Variants in TTLL11 observed in about 807,000 individuals in gnomAD.
TTLL11 encodes the protein tubulin tyrosine ligase like 11, also known as tubulin polyglutamylase TTLL11.
In TTLL11, 42 loss-of-function variants were observed where a neutral mutation model predicts 51.7. That is an observed-to-expected ratio of 0.81 (90% CI 0.64 to 1.05). The LOEUF (loss-of-function observed/expected upper bound fraction) is 1.05, where lower values mean the gene tolerates loss of function less well. TTLL11 is among the 50% of genes least tolerant of loss of function. The pLI is 0.00. For missense variants in TTLL11, 799 were observed against 940.4 expected (o/e 0.85, Z 1.97); for synonymous variants, 381 against 383.5 (o/e 0.99, Z 0.08).
chr9:121,975,091 C>T (rs1842669755), intron 4 of TTLL11, 112 bp from the exon 5 acceptor site: 2 of 723,778 alleles, frequency 2.8e-6, no homozygotes, highest in East Asian at 6.6e-5. Flanking sequence ...TTGACCCTGG[C>T]TTCTCTTGTC....
At chr9:121,864,838 T>C (rs1838131999) in intron 7 of TTLL11, among the ~76,000 whole-genome samples, 1 of 152,232 alleles carries the variant, frequency 6.6e-6, no homozygotes, top group Non-Finnish European at 1.5e-5. Flanking sequence ...TCTCATTTCC[T>C]CTTAACAACT....
chr9:122,090,603 C>A (rs1329030859), intron 1 of TTLL11, among the ~76,000 whole-genome samples: 1 of 152,202 alleles, frequency 6.6e-6, no homozygotes, highest in African/African-American at 2.4e-5. Flanking sequence ...CCTCCCGCAG[C>A]ATTTCTCCTT....
At chr9:121,937,219 G>A (rs541571093) in intron 6 of TTLL11, among the ~76,000 whole-genome samples, 1 of 152,286 alleles carries the variant, frequency 6.6e-6, no homozygotes, top group Admixed American at 6.5e-5. Context: ...AAACGGACGT[G>A]AATAATGCCA....
rs374929438 is a variant in TTLL11, at chr9:122,057,515, C to CA, written c.463-18148_463-18147insT. ...TAATTTTCGTTATTTTTGGTAGAGA[C>CA]GGGGTTTCGCCATGTTGGCCGGGGT... is the stretch of plus-strand genomic sequence containing the variant. On this transcript the variant is annotated intron_variant, in intron 1 of 8. Coordinates refer to ENST00000321582, the MANE Select transcript of TTLL11 (RefSeq NM_001139442.2). 7.3e-3 allele frequency among the ~76,000 whole-genome samples: 1,107 copies of CA among 152,024 alleles called. 15 individuals are homozygous for CA. The highest frequency in any genetic ancestry group is 0.026 in the African/African-American group (1,066 of 41,462).
intron 6 of TTLL11, among the ~76,000 whole-genome samples, chr9:121,968,494 A>G (rs1842469282): frequency 6.6e-6 from 1 of 152,238 alleles, no homozygotes; most frequent in Admixed American, 6.5e-5. Context: ...CTTTAAGTAT[A>G]CCAGGAAAGA....
At chr9:121,911,213 C>G (rs1840103486) in intron 6 of TTLL11, among the ~76,000 whole-genome samples, 1 of 152,074 alleles carries the variant, frequency 6.6e-6, no homozygotes. Flanking sequence ...CTGGCCAACA[C>G]AGCAAAATTC....
chr9:121,910,615 G>A (rs73546442), intron 6 of TTLL11, among the ~76,000 whole-genome samples: 1,654 of 152,326 alleles, frequency 0.011, 28 homozygotes, highest in African/African-American at 0.038. Flanking sequence ...CAAAGGGGAT[G>A]TGGGTTTGTA....
intron 6 of TTLL11, among the ~76,000 whole-genome samples, chr9:121,970,672 T>C (rs1000371508): frequency 3.3e-5 from 5 of 152,240 alleles, no homozygotes; most frequent in African/African-American, 1.2e-4. Flanking sequence ...CCAGTTAGAA[T>C]GGCGATCATT....
chr9:121,834,666 A>T (rs1200001241), intron 8 of TTLL11, among the ~76,000 whole-genome samples: 2 of 152,058 alleles, frequency 1.3e-5, no homozygotes, highest in Non-Finnish European at 2.9e-5. Flanking sequence ...GTCTCTACTA[A>T]AAATACAAAA....
At chr9:121,922,877 A>G (rs976612885) in intron 6 of TTLL11, among the ~76,000 whole-genome samples, 4 of 152,162 alleles carry the variant, frequency 2.6e-5, no homozygotes, top group African/African-American at 9.7e-5. Context: ...ATAAAATGAA[A>G]CATAAATAGT....
intron 3 of TTLL11, among the ~76,000 whole-genome samples, chr9:122,009,849 G>A (rs1183215662): frequency 6.6e-6 from 1 of 151,976 alleles, no homozygotes; most frequent in Non-Finnish European, 1.5e-5. Flanking sequence ...TCTAAATCCA[G>A]TCCATGAAGG....
At chr9:121,847,040 C>T (rs1383982761) in intron 8 of TTLL11, among the ~76,000 whole-genome samples, 2 of 152,106 alleles carry the variant, frequency 1.3e-5, no homozygotes, top group East Asian at 3.8e-4. Context: ...GAAACCCCAT[C>T]TCTACTAAAA....
chr9:121,937,770 T>A (rs910922304), intron 6 of TTLL11, among the ~76,000 whole-genome samples: 1 of 149,652 alleles, frequency 6.7e-6, no homozygotes. Flanking sequence ...AGAAAGAACA[T>A]CAAACCCTCA....
intron 6 of TTLL11, among the ~76,000 whole-genome samples, chr9:121,946,334 T>C (rs1013703245): frequency 3.3e-5 from 5 of 152,086 alleles, no homozygotes; most frequent in Non-Finnish European, 7.4e-5. Context: ...CCCAGAATCC[T>C]TTGCTCCTGG....
intron 1 of TTLL11, among the ~76,000 whole-genome samples, chr9:122,090,400 T>G (rs1846228693): frequency 6.6e-6 from 1 of 152,120 alleles, no homozygotes; most frequent in African/African-American, 2.4e-5. Context: ...GCCCCATCTC[T>G]TACCACTCCA....
At chr9:121,824,106 A>G (rs1333876391) in intron 8 of TTLL11, among the ~76,000 whole-genome samples, 1 of 152,320 alleles carries the variant, frequency 6.6e-6, no homozygotes, top group East Asian at 1.9e-4. Context: ...CATTGACGCT[A>G]GGTACTTTAC....
intron 2 of TTLL11, among the ~76,000 whole-genome samples, chr9:122,036,498 T>C (rs972186171): frequency 2.0e-5 from 3 of 151,754 alleles, no homozygotes; most frequent in African/African-American, 7.3e-5. Flanking sequence ...TTTAGACGTA[T>C]CTAAATCAGA....
At chr9:122,075,037 T>C (rs1845826003) in intron 1 of TTLL11, among the ~76,000 whole-genome samples, 2 of 152,252 alleles carry the variant, frequency 1.3e-5, no homozygotes, top group Non-Finnish European at 2.9e-5. Flanking sequence ...CACATTCATA[T>C]TGTAATTCAA....
intron 6 of TTLL11, among the ~76,000 whole-genome samples, chr9:121,897,636 ACACACG>A (rs1431757526): frequency 1.4e-5 from 2 of 142,990 alleles, no homozygotes; most frequent in Non-Finnish European, 3.1e-5. Flanking sequence ...ACACACACAC[ACACACG>A]CGCGCGCGAA....
Sources: gnomAD v4.1 joint callset for allele counts (sites outside exome capture counted in the v4.1 genomes callset) on GRCh38, gnomAD v4.1.1 for gene constraint, MANE v1.5 for transcripts, NCBI Gene and HGNC (gene_info 2026-07-23, HGNC 2026-07-21) for gene names.